Variants in TASOR observed in about 807,000 individuals in gnomAD.
The protein encoded by TASOR is transcription activation suppressor.
A neutral mutation model predicts 178.6 loss-of-function variants in TASOR; 53 were observed. The observed-to-expected ratio is 0.30, with a 90% CI of 0.24 to 0.37. TASOR has a LOEUF of 0.37. Ranked by LOEUF, TASOR falls within the 10% of genes least tolerant of loss-of-function variation. The probability of loss-of-function intolerance (pLI) is 1.00; values close to 1 mark genes in which losing one functional copy is unlikely to be tolerated. For missense variants in TASOR, 1,815 were observed against 1,971.4 expected, an observed-to-expected ratio of 0.92 and a Z score of 1.50; for synonymous variants, 713 against 696.2, an observed-to-expected ratio of 1.02 and a Z score of -0.38.
At chr3:56,632,983 T>C (rs1379200360) in intron 18 of TASOR, 61 bp downstream of exon 18, 2 of 1,316,326 alleles carry the variant, frequency 1.5e-6, no homozygotes, top group Middle Eastern at 2.5e-4. Context: ...TTCCATTTTA[T>C]AGAGGTCACA....
At chr3:56,682,431 G>C (rs559333587) in intron 1 of TASOR, among the ~76,000 whole-genome samples, 1 of 152,040 alleles carries the variant, frequency 6.6e-6, no homozygotes, top group Non-Finnish European at 1.5e-5. Context: ...GCAGCCTTAC[G>C]GACAAGCTTC....
chr3:56,626,999 A>T (rs746460412), intron 21 of TASOR, 38 bp downstream of exon 21: 2 of 1,262,676 alleles, frequency 1.6e-6, no homozygotes, highest in Non-Finnish European at 2.3e-6. Flanking sequence ...ACAATGTTAA[A>T]ATCAACAACC....
At chr3:56,669,966 A>C in intron 4 of TASOR, 107 bp downstream of exon 4, 2 of 920,562 alleles carry the variant, frequency 2.2e-6, no homozygotes, top group South Asian at 1.8e-5. Flanking sequence ...TTCTGGGAAC[A>C]TAATAAAGCA....
chr3:56,624,876 T>C lies in TASOR; in HGVS notation c.4270A>G (p.Arg1424Gly). ...TGCTGTATGTTCTGAGCCTGAAGTCTGATAAGGCAATCCAATTCTGGAGCA... is the reference window on the plus strand; with the variant it reads ...TGCTGTATGTTCTGAGCCTGAAGTCCGATAAGGCAATCCAATTCTGGAGCA... ...RNAPELDCLIRLQAQNIQQRH... is the reference protein window; with the variant it reads ...RNAPELDCLIGLQAQNIQQRH... The change falls in exon 22 of 24, where the codon AGA (arginine) becomes GGA (glycine). Residue 1424 changes from arginine (R) to glycine (G), a missense_variant. By Grantham distance (125) the Arg-to-Gly change is moderately radical (BLOSUM62 -2). Around this residue, in one of 5 missense-constraint regions of TASOR, gnomAD observed 134 missense variants for 195.2 expected, o/e 0.69. Transcript: ENST00000683822. 1 of 1,614,208 alleles carries C rather than the reference T, an allele frequency of 6.2e-7. No individual in the cohort carries two copies. The highest frequency in any genetic ancestry group is 8.5e-7 in the Non-Finnish European group (1 of 1,180,028).
In TASOR at chr3:56,673,602, T is replaced by G; in HGVS notation, c.455A>C (p.His152Pro). The stretch of plus-strand genomic sequence containing the variant: ...TACCTCCTTTTCCAAAAGCTCATTG[T>G]GTACCAAGCAAGCACGTCTGTAGTT... ...NFNYRRACLVHNELLEKEFTE... is the reference protein window; with the variant it reads ...NFNYRRACLVPNELLEKEFTE... Residue 152 changes from histidine to proline, a missense_variant, in exon 2 of 24, where the codon CAC (histidine) becomes CCC (proline). This residue lies in a region of TASOR where 244 missense variants were observed against 202.7 expected (regional missense o/e 1.20). Coordinates refer to ENST00000683822, the MANE Select transcript of TASOR (RefSeq NM_001365635.2). The G allele has an allele frequency of 6.5e-7, 1 of 1,550,174 alleles. No homozygotes were observed. The highest frequency in any genetic ancestry group is 8.7e-7 in the Non-Finnish European group (1 of 1,146,484).
rs1232577126 is a variant in TASOR at position 56,620,753 on chromosome 3, G to C, written c.*2284C>G. ...GGAGACAAAAATTGTGAGATAAAGA[G>C]GAAGGAATAGGATGTACACATTTAC... On this transcript the variant is annotated 3_prime_UTR_variant, in exon 24 of 24. Coordinates refer to ENST00000683822, the MANE Select transcript of TASOR (RefSeq NM_001365635.2). 3.3e-5 allele frequency: 5 copies of C among 152,314 alleles called. No homozygotes were observed. Among genetic ancestry groups the C allele is most frequent in the African/African-American group, 9.6e-5 (4 of 41,556 alleles). 9.4% of individuals were successfully genotyped at this position (152,314 alleles called of 1,614,324 possible).
At chr3:56,648,708 T>A in intron 13 of TASOR, 114 bp downstream of exon 13, 1 of 589,966 alleles carries the variant, frequency 1.7e-6, no homozygotes. Context: ...TAACCCCCAG[T>A]ATTTCCTGAA....
At chr3:56,675,054 T>G (rs572458162) in intron 1 of TASOR, among the ~76,000 whole-genome samples, 20 of 152,306 alleles carry the variant, frequency 1.3e-4, no homozygotes, top group African/African-American at 4.8e-4. Flanking sequence ...CTCGATCTCC[T>G]GACCTCGTGA....
chr3:56,633,378 C>G lies in TASOR; in HGVS notation c.3413G>C (p.Cys1138Ser). 6.2e-7 allele frequency: 1 copy of G among 1,614,180 alleles called. No homozygotes were observed. The highest frequency in any genetic ancestry group is 1.1e-5 in the South Asian group (1 of 91,082). ...FNNKHLLEPL[C>S]SDPLKDTNSD... is the part of the protein sequence containing the mutation. ...GTTGGTATCTTTCAAAGGATCACTA[C>G]ACAGTGGCTCAAGGAGATGTTTATT... Residue 1138 changes from cysteine (C) to serine (S), a missense_variant, in exon 18 of 24, where the codon TGT becomes TCT. Cys to Ser is a moderately radical substitution (Grantham distance 112). Transcript: ENST00000683822.
chr3:56,668,749 G>A (rs28433982), intron 5 of TASOR, among the ~76,000 whole-genome samples, 191 bp from the exon 6 acceptor site: 4,097 of 152,202 alleles, frequency 0.027, 185 homozygotes, highest in African/African-American at 0.093. Flanking sequence ...CAAGGCAGGC[G>A]GATCACCTGA....
chr3:56,682,740 G>C lies in TASOR; in HGVS notation c.267C>G (p.Pro89=). Residue 89 remains proline, a synonymous_variant, in exon 1 of 24, where the codon CCC becomes CCG. Transcript: ENST00000683822. ...EAGAAALPRG[P]EEPERPVRRS... ...TCCTAACAGGCCTTTCGGGCTCTTC[G>C]GGGCCTCTGGGCAGGGCGGCCGCGC... is the stretch of plus-strand genomic sequence containing the variant. The C allele has an allele frequency of 2.0e-6, 3 of 1,522,796 alleles. No individual in the cohort carries two copies. The highest frequency in any genetic ancestry group is 2.6e-6 in the Non-Finnish European group (3 of 1,133,208). 94.3% of individuals were successfully genotyped at this position (1,522,796 alleles called of 1,614,324 possible).
intron 17 of TASOR, among the ~76,000 whole-genome samples, chr3:56,637,159 G>A (rs1179958969): frequency 1.3e-5 from 2 of 152,220 alleles, no homozygotes; most frequent in Non-Finnish European, 2.9e-5. Context: ...TGGGAACAAG[G>A]AGAGTACTAA....
intron 23 of TASOR, among the ~76,000 whole-genome samples, chr3:56,624,246 G>A (rs916995371): frequency 6.6e-6 from 1 of 152,068 alleles, no homozygotes; most frequent in Non-Finnish European, 1.5e-5. Flanking sequence ...TACAATATAG[G>A]TAGAAATGCA....
chr3:56,639,041 C>T (rs2077069985), intron 16 of TASOR, among the ~76,000 whole-genome samples: 2 of 152,122 alleles, frequency 1.3e-5, no homozygotes, highest in South Asian at 4.1e-4. Context: ...CTGATGTTTC[C>T]ACCTCATAAA....
intron 9 of TASOR, 78 bp downstream of exon 9, chr3:56,662,307 T>C (rs1446445396): frequency 4.0e-6 from 3 of 757,880 alleles, no homozygotes; most frequent in Non-Finnish European, 6.6e-6. Context: ...AAAATTTAAA[T>C]ATGAAAAAGA....
Position 56,633,131 on chromosome 3 carries a change from C to A in TASOR, c.3660G>T (p.Leu1220Phe). ...TCTGGACGTCTTTCATGATTTTAAC[C>A]AAACTATTAAATACTTCAGGTTCTA... ...SQLEPEVFNSLVKIMKDVQKN... is the reference protein window; with the variant it reads ...SQLEPEVFNSFVKIMKDVQKN... The change falls in exon 18 of 24, where the codon TTG (leucine) becomes TTT (phenylalanine). Residue 1220 changes from leucine to phenylalanine, a missense_variant. Coordinates refer to ENST00000683822, the MANE Select transcript of TASOR (RefSeq NM_001365635.2). The A allele has an allele frequency of 6.2e-7, 1 of 1,613,368 alleles. No individual in the cohort carries two copies. The highest frequency in any genetic ancestry group is 8.5e-7 in the Non-Finnish European group (1 of 1,179,836).
At position 56,624,380 on chromosome 3, in the gene TASOR, T is replaced by TA. The variant is rs1383087932; in HGVS notation, c.4483+98dup. ...TTCCCTATGGCTGTTTATACTGAGGTACGTGGTTTCAAAATGGTCATTTCA... is the reference window on the plus strand; with the variant it reads ...TTCCCTATGGCTGTTTATACTGAGGTAACGTGGTTTCAAAATGGTCATTTCA... On this transcript the variant is annotated intron_variant, in intron 23 of 23. Coordinates refer to ENST00000683822, the MANE Select transcript of TASOR (RefSeq NM_001365635.2). 4 of 1,179,910 alleles carry TA rather than the reference T, an allele frequency of 3.4e-6. No homozygotes were observed. The African/African-American group carries it at 6.2e-5, about 18-fold the overall frequency. The allele number at this position is 1,179,910 out of a possible 1,614,324, so 73.1% of individuals were successfully genotyped here. A position where few individuals can be genotyped will look rare whatever the true frequency, so the allele number is the denominator to read the frequency against.
intron 11 of TASOR, among the ~76,000 whole-genome samples, chr3:56,658,498 C>A (rs960147477): frequency 2.0e-5 from 3 of 152,206 alleles, no homozygotes; most frequent in Admixed American, 2.0e-4. Context: ...TCTCAACTTT[C>A]ACTTTCTGAA....
chr3:56,669,359 C>T (rs1288030836), intron 5 of TASOR, among the ~76,000 whole-genome samples: 7 of 151,874 alleles, frequency 4.6e-5, no homozygotes, highest in African/African-American at 9.7e-5. Context: ...AAAAATTAGC[C>T]GGGCTTGGTG....
Sources: allele counts gnomAD v4.1 joint callset (sites outside exome capture counted in the v4.1 genomes callset), GRCh38; gene constraint gnomAD v4.1.1; regional missense constraint gnomAD v4.1.1; transcripts MANE v1.5; gene names NCBI Gene and HGNC (gene_info 2026-07-23, HGNC 2026-07-21).